Variants in HAO2 observed in about 807,000 individuals in gnomAD.
The protein encoded by HAO2 is hydroxyacid oxidase 2.
In HAO2, 42 loss-of-function variants were observed where a neutral mutation model predicts 37.4. That is an observed-to-expected ratio of 1.12 (90% CI 0.88 to 1.45). The LOEUF (loss-of-function observed/expected upper bound fraction) is 1.45, where lower values mean the gene tolerates loss of function less well. Ranked by LOEUF, HAO2 falls within the 40% of genes most tolerant of loss-of-function variation. HAO2 has a pLI of 0.00. For synonymous variants in HAO2, 180 were observed against 162.8 expected, an observed-to-expected ratio of 1.11 and a Z score of -0.81; for missense variants, 476 against 430.2, an observed-to-expected ratio of 1.11 and a Z score of -0.94.
chr1:119,393,608 C>A (rs974670751), intron 7 of HAO2, among the ~76,000 whole-genome samples, 177 bp from the exon 8 acceptor site: 3 of 152,110 alleles, frequency 2.0e-5, no homozygotes, highest in Non-Finnish European at 4.4e-5. Flanking sequence ...GGCTCAGGTT[C>A]ACAGAATAAT....
In HAO2 at chr1:119,382,931, C is replaced by G. The variant is rs199705214; in HGVS notation, c.148C>G (p.Arg50Gly). 7.4e-6 allele frequency: 12 copies of G among 1,613,612 alleles called. No individual in the cohort carries two copies. Among genetic ancestry groups the G allele is most frequent in the Non-Finnish European group, 9.3e-6 (11 of 1,179,662 alleles). ...AAFKRIRLRP[R>G]YLRDVSEVDT... ...CCGGCACAGAATTCGCCTCCGTCCG[C>G]GGTACCTGAGAGATGTGTCTGAGGT... The change falls in exon 3 of 8, where the codon CGG becomes GGG. Residue 50 changes from arginine (R) to glycine (G), a missense_variant. Arg to Gly is a moderately radical substitution (Grantham distance 125). Transcript: ENST00000325945.
At position 119,386,744 on chromosome 1, in the gene HAO2, G is replaced by T. The variant is rs760892814; in HGVS notation, c.684G>T (p.Glu228Asp). The T allele has an allele frequency of 6.2e-7, 1 of 1,613,704 alleles. No individual in the cohort carries two copies. Among genetic ancestry groups the T allele is most frequent in the Non-Finnish European group, 8.5e-7 (1 of 1,179,614 alleles). The change falls in exon 5 of 8, where the codon GAG (glutamate) becomes GAT (aspartate). Residue 228 changes from glutamate to aspartate, a missense_variant. By Grantham distance (45) the Glu-to-Asp change is conservative. Coordinates refer to ENST00000325945, the MANE Select transcript of HAO2 (RefSeq NM_016527.4). ...PIILKGILTK[E>D]DAELAVKHNV... is the part of the protein sequence containing the mutation. ...TCCTGAAAGGGATTTTGACAAAAGA[G>T]GATGCAGAGTTAGCTGTGAAGCACA...
intron 7 of HAO2, 51 bp downstream of exon 7, chr1:119,392,738 G>C: frequency 9.1e-7 from 1 of 1,096,584 alleles, no homozygotes; most frequent in South Asian, 1.2e-5. Context: ...GATGGCTAAA[G>C]AATAGGAGCA....
chr1:119,392,407 GCTT>G, intron 6 of HAO2, 139 bp downstream of exon 6: 1 of 775,770 alleles, frequency 1.3e-6, no homozygotes, highest in African/African-American at 1.7e-5. Context: ...GCATCTCCAT[GCTT>G]CTTCTGAAGC....
Position 119,381,169 on chromosome 1 carries a change from A to T in HAO2, c.84A>T (p.Gly28=), listed in dbSNP as rs1649905721. 2 of 1,609,318 alleles carry T rather than the reference A, an allele frequency of 1.2e-6. No homozygotes were observed. The highest frequency in any genetic ancestry group is 1.7e-6 in the Non-Finnish European group (2 of 1,175,608). The part of the protein sequence containing the change: ...SKSTRDFIEG[G]ADDSITRDDN... ...CAACTCGGGATTTTATTGAAGGTGG[A>T]GCAGATGACAGCATCACGCGGGATG... The change falls in exon 2 of 8, where the codon GGA becomes GGT. Residue 28 remains glycine (G), a synonymous_variant. Coordinates refer to ENST00000325945, the MANE Select transcript of HAO2 (RefSeq NM_016527.4).
intron 1 of HAO2, among the ~76,000 whole-genome samples, chr1:119,371,380 T>A (rs1648994346): frequency 1.3e-5 from 2 of 152,220 alleles, no homozygotes; most frequent in Admixed American, 1.3e-4. Context: ...CTGTAGACTG[T>A]TAAGACAGAT....
chr1:119,381,771 G>A (rs867397333), intron 2 of HAO2, among the ~76,000 whole-genome samples: 45 of 152,292 alleles, frequency 3.0e-4, no homozygotes, highest in Middle Eastern at 3.4e-3. Flanking sequence ...ATGAGCTAAC[G>A]ATGGTTTTTC....
intron 3 of HAO2, among the ~76,000 whole-genome samples, chr1:119,383,662 C>CAAT (rs749935310): frequency 3.2e-3 from 492 of 151,560 alleles, no homozygotes; most frequent in Middle Eastern, 0.017. Flanking sequence ...CCACCACCGC[C>CAAT]AATAATAATA....
Position 119,385,055 on chromosome 1 carries a change from T to G in HAO2, c.561+2T>G. 1.9e-6 allele frequency: 3 copies of G among 1,605,096 alleles called. No individual in the cohort carries two copies. The highest frequency in any genetic ancestry group is 1.7e-6 in the Non-Finnish European group (2 of 1,172,994). On this transcript the variant is annotated splice_donor_variant, in intron 4 of 7. Transcript: ENST00000325945. LOFTEE classifies it high-confidence loss of function. The stretch of plus-strand genomic sequence containing the variant: ...ACAGATCTTCAATCACCTAAAAAGG[T>G]AAGAAAGATACCAAATTCGATGGAC...
chr1:119,391,982 C>A, intron 5 of HAO2, 128 bp from the exon 6 acceptor site: 1 of 761,902 alleles, frequency 1.3e-6, no homozygotes, highest in Non-Finnish European at 2.1e-6. Context: ...CTAGCAGCCT[C>A]AAGCATGGGA....
At chr1:119,372,667 C>T (rs755106916) in intron 1 of HAO2, among the ~76,000 whole-genome samples, 3 of 152,170 alleles carry the variant, frequency 2.0e-5, no homozygotes, top group Non-Finnish European at 2.9e-5. Flanking sequence ...GGAATAGTGA[C>T]AAGACTGGTC....
rs72991427 is a variant in HAO2 at position 119,393,908 on chromosome 1, T to C, written c.*68T>C. ...AGGATCACAAACTCACAGCACAGTG[T>C]GTGATGCTGTCCTTCCTGGACCCCA... On this transcript the variant is annotated 3_prime_UTR_variant, in exon 8 of 8. Transcript: ENST00000325945. 6.3e-3 allele frequency: 10,192 copies of C among 1,608,870 alleles called. 512 individuals carry two copies. In the African/African-American group the frequency reaches 0.11, roughly 18 times the overall value.
chr1:119,383,121 C>T, intron 3 of HAO2, 55 bp downstream of exon 3: 3 of 1,345,112 alleles, frequency 2.2e-6, no homozygotes, highest in Admixed American at 1.9e-5. Context: ...TCCCTCAGAG[C>T]AGTGGCAGAG....
intron 1 of HAO2, among the ~76,000 whole-genome samples, chr1:119,378,573 T>C (rs768475287): frequency 9.9e-5 from 15 of 152,194 alleles, no homozygotes; most frequent in Non-Finnish European, 1.9e-4. Flanking sequence ...AGAAGAGGTA[T>C]CGAAATGAGA....
At chr1:119,380,511 C>A in intron 1 of HAO2, 1 of 592,422 alleles carries the variant, frequency 1.7e-6, no homozygotes, top group Non-Finnish European at 3.0e-6. Context: ...CAGCTCCAGA[C>A]AATTCAAACA....
intron 1 of HAO2, chr1:119,370,218 G>C (rs1365597145): frequency 1.3e-5 from 2 of 152,206 alleles, no homozygotes; most frequent in African/African-American, 4.8e-5. Context: ...AGAAGAACTA[G>C]TCACAGAGCC....
At chr1:119,380,795 T>C in intron 1 of HAO2, 3 of 966,146 alleles carry the variant, frequency 3.1e-6, no homozygotes, top group South Asian at 1.3e-5. Flanking sequence ...AGGTCTAAGG[T>C]GGTGTGTGTA....
Position 119,392,217 on chromosome 1 carries a change from A to G in HAO2, c.879A>G (p.Gly293=). Residue 293 remains glycine (G), a synonymous_variant, in exon 6 of 8, where the codon GGA becomes GGG. Transcript: ENST00000325945. The part of the protein sequence containing the change: ...GNDVLKALAL[G]AKCIFLGRPI... ...ATGTGCTGAAGGCTCTGGCCCTTGG[A>G]GCTAAGTGCATTTTTCTTGGGAGAC... 1 of 1,613,364 alleles carries G rather than the reference A, an allele frequency of 6.2e-7. No individual in the cohort carries two copies. The highest frequency in any genetic ancestry group is 8.5e-7 in the Non-Finnish European group (1 of 1,179,556).
chr1:119,372,299 T>G (rs1649098329), intron 1 of HAO2, among the ~76,000 whole-genome samples: 2 of 152,360 alleles, frequency 1.3e-5, no homozygotes, highest in South Asian at 4.1e-4. Flanking sequence ...GAGGAAGAGA[T>G]AATTCAGTGG....
Sources: gnomAD v4.1 joint callset for allele counts (sites outside exome capture counted in the v4.1 genomes callset) on GRCh38, gnomAD v4.1.1 for gene constraint, MANE v1.5 for transcripts, NCBI Gene and HGNC (gene_info 2026-07-23, HGNC 2026-07-21) for gene names.